The following TOX variants were observed in gnomAD, a reference collection of about 807,000 sequenced individuals.
TOX encodes the protein thymocyte selection associated high mobility group box.
TOX carries 11 observed loss-of-function variants against 53.7 expected under a neutral mutation model. The observed-to-expected ratio is 0.20, with a 90% CI of 0.13 to 0.34. TOX has a LOEUF of 0.34. Among genes scored for constraint, TOX ranks in the 10% least tolerant of loss-of-function variants. The probability of loss-of-function intolerance (pLI) is 1.00; values close to 1 mark genes in which losing one functional copy is unlikely to be tolerated. For missense variants in TOX, 570 were observed against 664.6 expected (o/e 0.86, Z 1.56); for synonymous variants, 225 against 245.3 (o/e 0.92, Z 0.77).
chr8:58,823,649 G>C (rs1810317253), intron 6 of TOX, among the ~76,000 whole-genome samples: 1 of 152,184 alleles, frequency 6.6e-6, no homozygotes, highest in African/African-American at 2.4e-5. Context: ...GTAAGAAGCA[G>C]CTAATTTTAA....
At chr8:59,087,453 C>A (rs958775050) in intron 1 of TOX, among the ~76,000 whole-genome samples, 3 of 152,066 alleles carry the variant, frequency 2.0e-5, no homozygotes, top group Admixed American at 6.6e-5. Context: ...ATAAATATTC[C>A]TTTTATTGTG....
rs192705893 is a variant in TOX, at chr8:58,944,175, G to A, written c.169-4631C>T. Among the ~76,000 whole-genome samples the A allele has an allele frequency of 7.6e-4, 115 of 152,290 alleles. 1 individual carries two copies. The highest frequency in any genetic ancestry group is 7.3e-3 in the South Asian group (35 of 4,826). On this transcript the variant is annotated intron_variant, in intron 2 of 8. Coordinates refer to ENST00000361421, the MANE Select transcript of TOX (RefSeq NM_014729.3). ...CGCAACAGGACTCTTGTGTTCCAGC[G>A]CAAGAGGCACTGTGCATCACTCTGC...
intron 1 of TOX, among the ~76,000 whole-genome samples, chr8:59,044,136 CTG>C: frequency 6.7e-6 from 1 of 150,050 alleles, no homozygotes; most frequent in Non-Finnish European, 1.5e-5. Context: ...CATAATAAAA[CTG>C]TGAAATTGTT....
chr8:58,850,835 C>T (rs1490595783), intron 4 of TOX, among the ~76,000 whole-genome samples: 1 of 152,190 alleles, frequency 6.6e-6, no homozygotes, highest in Admixed American at 6.5e-5. Flanking sequence ...CAGGATTGCA[C>T]AGCGCTGCTT....
chr8:58,939,461 C>A lies in TOX; in HGVS notation c.252G>T (p.Val84=). The A allele has an allele frequency of 6.2e-7, 1 of 1,614,150 alleles. No homozygotes were observed. Among genetic ancestry groups the A allele is most frequent in the Non-Finnish European group, 8.5e-7 (1 of 1,180,026 alleles). Residue 84 remains valine, a synonymous_variant, in exon 3 of 9, where the codon GTG becomes GTT. Coordinates refer to ENST00000361421, the MANE Select transcript of TOX (RefSeq NM_014729.3). ...TPPSLPDHSL[V]HLNEVESGYH... ...AACCAGACTCAACTTCATTCAGGTGCACCAGCGAGTGGTCTGGGAGGGAAG... is the reference window on the plus strand; with the variant it reads ...AACCAGACTCAACTTCATTCAGGTGAACCAGCGAGTGGTCTGGGAGGGAAG...
chr8:58,884,211 A>G (rs891349672), intron 3 of TOX, among the ~76,000 whole-genome samples: 1 of 152,140 alleles, frequency 6.6e-6, no homozygotes, highest in Non-Finnish European at 1.5e-5. Flanking sequence ...ACAATTTTGA[A>G]GCTTTAAGCT....
At chr8:59,089,843 CA>C (rs1020400974) in intron 1 of TOX, among the ~76,000 whole-genome samples, 1 of 152,220 alleles carries the variant, frequency 6.6e-6, no homozygotes, top group Non-Finnish European at 1.5e-5. Context: ...CTTGGCCTCA[CA>C]AAATGCTGGG....
chr8:59,002,910 A>T (rs1024186311), intron 1 of TOX, among the ~76,000 whole-genome samples: 1 of 152,218 alleles, frequency 6.6e-6, no homozygotes, highest in African/African-American at 2.4e-5. Context: ...CCTCAGGTGA[A>T]ACACAAGGGG....
intron 3 of TOX, among the ~76,000 whole-genome samples, chr8:58,882,756 C>T (rs1811404590): frequency 6.6e-6 from 1 of 152,208 alleles, no homozygotes; most frequent in Non-Finnish European, 1.5e-5. Context: ...AGTATCACAG[C>T]ACAGGCTTGA....
chr8:59,075,273 C>A (rs1466827157), intron 1 of TOX, among the ~76,000 whole-genome samples: 2 of 152,128 alleles, frequency 1.3e-5, no homozygotes, highest in Admixed American at 1.3e-4. Context: ...GGTGCCTTGA[C>A]ATAGTGAATA....
intron 1 of TOX, among the ~76,000 whole-genome samples, chr8:59,114,427 T>C (rs1805067850): frequency 6.6e-6 from 1 of 152,202 alleles, no homozygotes; most frequent in Admixed American, 6.5e-5. Context: ...TTTTCTATAA[T>C]ATCTGATTTA....
chr8:58,902,293 A>T (rs909669460), intron 3 of TOX, among the ~76,000 whole-genome samples: 2 of 152,182 alleles, frequency 1.3e-5, no homozygotes, highest in African/African-American at 4.8e-5. Context: ...TTCTGAACTG[A>T]AGAAGAACAA....
intron 1 of TOX, among the ~76,000 whole-genome samples, chr8:59,107,552 G>C (rs1804936683): frequency 6.6e-6 from 1 of 152,158 alleles, no homozygotes; most frequent in Non-Finnish European, 1.5e-5. Context: ...CTGTAACTGA[G>C]AGAGCAGATG....
intron 2 of TOX, among the ~76,000 whole-genome samples, chr8:58,957,688 A>G (rs1393253111): frequency 1.3e-5 from 2 of 152,252 alleles, no homozygotes; most frequent in Non-Finnish European, 2.9e-5. Context: ...ATAAGTCCCA[A>G]AGCATGTACT....
intron 6 of TOX, among the ~76,000 whole-genome samples, chr8:58,817,011 T>C (rs1810191442): frequency 6.6e-6 from 1 of 152,140 alleles, no homozygotes; most frequent in South Asian, 2.1e-4. Flanking sequence ...TGCTGACTCC[T>C]GGGGTGACGG....
At chr8:59,100,330 C>A (rs563171962) in intron 1 of TOX, among the ~76,000 whole-genome samples, 3 of 152,280 alleles carry the variant, frequency 2.0e-5, no homozygotes, top group South Asian at 2.1e-4. Flanking sequence ...ATTAAAAATT[C>A]ATCAGCAAGG....
intron 3 of TOX, among the ~76,000 whole-genome samples, chr8:58,932,305 T>G (rs1812269335): frequency 6.6e-6 from 1 of 152,124 alleles, no homozygotes; most frequent in Non-Finnish European, 1.5e-5. Flanking sequence ...AGGCTATAAT[T>G]GCTAAACATT....
intron 3 of TOX, among the ~76,000 whole-genome samples, chr8:58,915,635 C>T (rs909682614): frequency 3.4e-5 from 5 of 145,952 alleles, no homozygotes; most frequent in East Asian, 2.1e-4. Context: ...AACTCTAAAA[C>T]GCAGAGCGCC....
At chr8:58,889,173 T>C (rs1207547735) in intron 3 of TOX, among the ~76,000 whole-genome samples, 1 of 146,792 alleles carries the variant, frequency 6.8e-6, no homozygotes, top group Non-Finnish European at 1.5e-5. Flanking sequence ...ATATAAGATA[T>C]TTATACAGGG....
Sources: allele counts gnomAD v4.1 joint callset (sites outside exome capture counted in the v4.1 genomes callset), GRCh38; gene constraint gnomAD v4.1.1; transcripts MANE v1.5; gene names NCBI Gene and HGNC (gene_info 2026-07-23, HGNC 2026-07-21).